The following RIMS1 variants were observed in gnomAD, a reference collection of about 807,000 sequenced individuals.
RIMS1 encodes the protein regulating synaptic membrane exocytosis 1, also known as regulating synaptic membrane exocytosis protein 1.
RIMS1 carries 83 observed loss-of-function variants against 214.1 expected under a neutral mutation model. The observed-to-expected ratio is 0.39, with a 90% CI of 0.32 to 0.47. The LOEUF (loss-of-function observed/expected upper bound fraction) is 0.47. RIMS1 is among the 20% of genes least tolerant of loss of function. The pLI is 0.99. For missense variants in RIMS1, 2,050 were observed against 2,161.8 expected (o/e 0.95, Z 1.03); for synonymous variants, 793 against 786.8 (o/e 1.01, Z -0.13).
chr6:71,923,799 G>A (rs1347387566), intron 1 of RIMS1, among the ~76,000 whole-genome samples: 1 of 151,972 alleles, frequency 6.6e-6, no homozygotes, highest in Non-Finnish European at 1.5e-5. Context: ...GCTGACCTCA[G>A]GTGATCCACC....
chr6:72,063,157 T>C (rs762849604), intron 2 of RIMS1, among the ~76,000 whole-genome samples: 8 of 151,920 alleles, frequency 5.3e-5, no homozygotes, highest in Admixed American at 2.6e-4. Flanking sequence ...AGCTTCAGAG[T>C]TATCACACTA....
intron 1 of RIMS1, among the ~76,000 whole-genome samples, chr6:71,957,591 T>C (rs1033697035): frequency 1.3e-5 from 2 of 150,326 alleles, no homozygotes; most frequent in Admixed American, 1.3e-4. Flanking sequence ...TATAAATAAG[T>C]ACATGCAAAG....
intron 29 of RIMS1, among the ~76,000 whole-genome samples, chr6:72,372,480 TC>T (rs1269993832): frequency 3.3e-5 from 5 of 152,222 alleles, no homozygotes; most frequent in African/African-American, 1.2e-4. Flanking sequence ...TGCTCTTTTT[TC>T]CTGAGATTGA....
chr6:72,322,645 C>T (rs1010434907), intron 28 of RIMS1, among the ~76,000 whole-genome samples: 2 of 151,940 alleles, frequency 1.3e-5, no homozygotes, highest in Non-Finnish European at 2.9e-5. Flanking sequence ...TTGAGAGCAA[C>T]AAAGCAGGCA....
intron 29 of RIMS1, among the ~76,000 whole-genome samples, chr6:72,342,139 C>T (rs1424213565): frequency 6.6e-6 from 1 of 151,816 alleles, no homozygotes; most frequent in African/African-American, 2.4e-5. Flanking sequence ...TATATGTTGT[C>T]CCCAATTATT....
intron 6 of RIMS1, among the ~76,000 whole-genome samples, chr6:72,193,261 A>G (rs1830338): frequency 0.18 from 26,782 of 152,140 alleles, 2,929 homozygotes; most frequent in Non-Finnish European, 0.22. Flanking sequence ...TTTGGTTACC[A>G]TTTGGGTTGT....
intron 29 of RIMS1, among the ~76,000 whole-genome samples, chr6:72,371,492 T>G (rs2098219038): frequency 6.6e-6 from 1 of 152,196 alleles, no homozygotes; most frequent in Admixed American, 6.5e-5. Flanking sequence ...ACTTGAAACT[T>G]TGTCCATATT....
chr6:72,176,448 T>C (rs1474901788), intron 4 of RIMS1, among the ~76,000 whole-genome samples: 1 of 152,198 alleles, frequency 6.6e-6, no homozygotes, highest in African/African-American at 2.4e-5. Context: ...TATTCTATTG[T>C]AATCTTATAT....
At chr6:72,244,897 T>TA (rs1027788227) in intron 10 of RIMS1, among the ~76,000 whole-genome samples, 45 of 152,046 alleles carry the variant, frequency 3.0e-4, no homozygotes, top group Non-Finnish European at 5.7e-4. Flanking sequence ...TAGAAATTCT[T>TA]AAAAAATATG....
chr6:72,312,019 C>G (rs943972096), intron 27 of RIMS1, among the ~76,000 whole-genome samples: 1 of 152,264 alleles, frequency 6.6e-6, no homozygotes, highest in Middle Eastern at 3.4e-3. Flanking sequence ...CTAAACTACT[C>G]TCATGTAAGA....
At chr6:72,397,586 A>C (rs748973754) in intron 31 of RIMS1, among the ~76,000 whole-genome samples, 1 of 152,222 alleles carries the variant, frequency 6.6e-6, no homozygotes, top group Non-Finnish European at 1.5e-5. Flanking sequence ...TTGGAATTTG[A>C]TGTTCAAAAA....
chr6:72,233,685 CTCTT>C (rs2062897133), intron 6 of RIMS1, 84 bp from the exon 7 acceptor site: 3 of 965,568 alleles, frequency 3.1e-6, no homozygotes, highest in Non-Finnish European at 4.9e-6. Context: ...GATATTAAAA[CTCTT>C]TATAGATCGA....
intron 4 of RIMS1, among the ~76,000 whole-genome samples, chr6:72,137,209 C>A (rs571087540): frequency 6.6e-6 from 1 of 152,046 alleles, no homozygotes; most frequent in East Asian, 1.9e-4. Context: ...AAGAACAATA[C>A]CACAGTTTTC....
chr6:72,095,116 A>ATT (rs71540328), intron 2 of RIMS1, among the ~76,000 whole-genome samples: 41,565 of 98,956 alleles, frequency 0.42, 9,753 homozygotes, highest in South Asian at 0.57. Context: ...ACGCCCGACT[A>ATT]TTTTTTTTTT....
intron 1 of RIMS1, among the ~76,000 whole-genome samples, chr6:71,904,390 T>A (rs1239320183): frequency 6.6e-6 from 1 of 151,888 alleles, no homozygotes; most frequent in Non-Finnish European, 1.5e-5. Flanking sequence ...CCTCAATGAG[T>A]CCCTTGGGAG....
chr6:72,102,284 G>A (rs193295529), intron 4 of RIMS1, among the ~76,000 whole-genome samples: 7 of 151,832 alleles, frequency 4.6e-5, no homozygotes, highest in South Asian at 2.1e-4. Flanking sequence ...AACTTGCTAC[G>A]TTTCTTGTTT....
chr6:71,931,008 T>C (rs1007134524), intron 1 of RIMS1, among the ~76,000 whole-genome samples: 3 of 152,046 alleles, frequency 2.0e-5, no homozygotes, highest in Non-Finnish European at 4.4e-5. Context: ...TTATTGACAC[T>C]AGTGTTTTTG....
At chr6:72,065,365 A>G (rs771457613) in intron 2 of RIMS1, among the ~76,000 whole-genome samples, 1 of 152,216 alleles carries the variant, frequency 6.6e-6, no homozygotes, top group Non-Finnish European at 1.5e-5. Flanking sequence ...GTATGAAAGA[A>G]TAATAACACT....
At chr6:72,260,515 A>G (rs987678053) in intron 18 of RIMS1, among the ~76,000 whole-genome samples, 190 bp from the exon 19 acceptor site, 9 of 152,082 alleles carry the variant, frequency 5.9e-5, no homozygotes, top group African/African-American at 2.2e-4. Context: ...GACTTCAACC[A>G]TAATATTTGT....
Sources: gnomAD v4.1 joint callset for allele counts (sites outside exome capture counted in the v4.1 genomes callset) on GRCh38, gnomAD v4.1.1 for gene constraint, MANE v1.5 for transcripts, NCBI Gene and HGNC (gene_info 2026-07-23, HGNC 2026-07-21) for gene names.